Variants in ARSA observed in about 807,000 individuals in gnomAD.
The protein encoded by ARSA is arylsulfatase A, also known as cerebroside-sulfatase.
A neutral mutation model predicts 37.8 loss-of-function variants in ARSA; 32 were observed. The observed-to-expected ratio is 0.85, with a 90% CI of 0.64 to 1.14. The LOEUF is 1.14. Ranked by LOEUF, ARSA falls within the 50% of genes most tolerant of loss-of-function variation. ARSA has a pLI of 0.00. For synonymous variants in ARSA, 303 were observed against 303.4 expected (o/e 1.00, Z 0.01); for missense variants, 685 against 686.3 (o/e 1.00, Z 0.02).
At position 50,624,265 on chromosome 22, in the gene ARSA, T is replaced by G. The variant is rs1292205354; in HGVS notation, c.*880A>C. Reference sequence around the variant, plus strand: ...TTTGTATTTTTAGTAGAGATGGGGTTTCTCCATGTTGGTCAGGCTGGTCTC... The same window carrying G: ...TTTGTATTTTTAGTAGAGATGGGGTGTCTCCATGTTGGTCAGGCTGGTCTC... On this transcript the variant is annotated 3_prime_UTR_variant, in exon 8 of 8. Transcript: ENST00000216124. 6.6e-6 allele frequency among the ~76,000 whole-genome samples: 1 copy of G among 152,110 alleles called. No homozygotes were observed. The highest frequency in any genetic ancestry group is 1.5e-5 in the Non-Finnish European group (1 of 68,016).
rs80338820 is a variant in ARSA at position 50,625,578 on chromosome 22, C to T, written c.1210+1G>A. ...GGGAGGGATCCACGGGGAGGGGTTA[C>T]CCTGGGTGAAGAAGTGAGCCTTGTA... On this transcript the variant is annotated splice_donor_variant, in intron 7 of 7. Transcript: ENST00000216124. LOFTEE classifies it high-confidence loss of function. 14 of 1,613,136 alleles carry T rather than the reference C, an allele frequency of 8.7e-6. No homozygotes were observed. Among genetic ancestry groups the T allele is most frequent in the African/African-American group, 1.3e-5 (1 of 74,898 alleles).
Position 50,627,856 on chromosome 22 carries a change from C to G in ARSA, c.-77G>C. The G allele has an allele frequency of 7.2e-7, 1 of 1,397,918 alleles. No individual in the cohort carries two copies. The highest frequency in any genetic ancestry group is 9.7e-7 in the Non-Finnish European group (1 of 1,034,966). 86.6% of individuals were successfully genotyped at this position (1,397,918 alleles called of 1,614,324 possible). ...CTCTTTCCGATACCGCAGACCCAGG[C>G]GCCGCCCTTCCCTGAGACCCCGGAC... On this transcript the variant is annotated 5_prime_UTR_variant, in exon 1 of 8. Transcript: ENST00000216124.
Position 50,626,609 on chromosome 22 carries a change from A to T in ARSA, c.836T>A (p.Ile279Asn). ...DLGLLEETLV[I>N]FTADNGPETM... ...GGCATACCCATTGTCTGCAGTGAAG[A>T]TGACCAGCGTCTCTTCAAGCAGCCC... is the stretch of plus-strand genomic sequence containing the variant. Residue 279 changes from isoleucine (I) to asparagine (N), a missense_variant, in exon 4 of 8, where the codon ATC (isoleucine) becomes AAC (asparagine). Transcript: ENST00000216124. 6.2e-7 allele frequency: 1 copy of T among 1,613,664 alleles called. No individual in the cohort carries two copies. The highest frequency in any genetic ancestry group is 8.5e-7 in the Non-Finnish European group (1 of 1,180,026).
chr22:50,625,996 T>C lies in ARSA; in HGVS notation c.1047A>G (p.Pro349=). ...AGCCATCCAAGGTGACATTGGGCAG[T>C]GGGGCCCCAGCCAGGGCTGCCAGGG... ...LPTLAALAGA[P]LPNVTLDGFD... is the part of the protein sequence containing the mutation. The change falls in exon 6 of 8, where the codon CCA becomes CCG. Residue 349 remains proline, a synonymous_variant. Coordinates refer to ENST00000216124, the MANE Select transcript of ARSA (RefSeq NM_000487.6). 1.3e-6 allele frequency: 2 copies of C among 1,577,838 alleles called. No individual in the cohort carries two copies. Among genetic ancestry groups the C allele is most frequent in the Non-Finnish European group, 1.7e-6 (2 of 1,162,992 alleles).
Position 50,625,559 on chromosome 22 carries a change from G to C in ARSA, c.1210+20C>G, listed in dbSNP as rs762674. On this transcript the variant is annotated intron_variant, in intron 7 of 7. Transcript: ENST00000216124. ...GAGGGGTCAGCAGGTCGGGGGGAGGGATCCACGGGGAGGGGTTACCCTGGG... is the reference window on the plus strand; with the variant it reads ...GAGGGGTCAGCAGGTCGGGGGGAGGCATCCACGGGGAGGGGTTACCCTGGG... 1,262,529 of 1,609,658 alleles carry C rather than the reference G, an allele frequency of 0.78. 496,254 individuals are homozygous for C. The highest frequency in any genetic ancestry group is 0.94 in the East Asian group (42,315 of 44,802).
Position 50,625,015 on chromosome 22 carries a change from G to T in ARSA, c.*130C>A, listed in dbSNP as rs886057655. 177 of 1,145,638 alleles carry T rather than the reference G, an allele frequency of 1.5e-4. 1 individual carries two copies. The highest frequency in any genetic ancestry group is 2.0e-4 in the Non-Finnish European group (165 of 837,846). The allele number at this position is 1,145,638 out of a possible 1,614,324, so 71.0% of individuals were successfully genotyped here. ...ACACAGCATTACCCCAGGATTGGAC[G>T]AATTGTCACATCTGCAAGTCTCCAC... On this transcript the variant is annotated 3_prime_UTR_variant, in exon 8 of 8. Coordinates refer to ENST00000216124, the MANE Select transcript of ARSA (RefSeq NM_000487.6).
At position 50,625,561 on chromosome 22, in the gene ARSA, T is replaced by A. The variant is rs372705596; in HGVS notation, c.1210+18A>T. 8 of 1,606,570 alleles carry A rather than the reference T, an allele frequency of 5.0e-6. No homozygotes were observed. The highest frequency in any genetic ancestry group is 6.8e-6 in the Non-Finnish European group (8 of 1,175,294). ...GGGGTCAGCAGGTCGGGGGGAGGGA[T>A]CCACGGGGAGGGGTTACCCTGGGTG... On this transcript the variant is annotated intron_variant, in intron 7 of 7. Coordinates refer to ENST00000216124, the MANE Select transcript of ARSA (RefSeq NM_000487.6).
Position 50,627,227 on chromosome 22 carries a change from GC to G in ARSA, c.403del (p.Ala135ProfsTer13). 6.2e-6 allele frequency: 10 copies of G among 1,609,342 alleles called. No individual in the cohort carries two copies. Among genetic ancestry groups the G allele is most frequent in the Non-Finnish European group, 7.6e-6 (9 of 1,178,226 alleles). On this transcript the variant is annotated frameshift_variant, in exon 2 of 8. Transcript: ENST00000216124. LOFTEE classifies it high-confidence loss of function. ...GAAGCCCTGATGGGGGGGCAGGAAG[GC>G]CCCCTCAGGCCCCACCCCAAGGTGC... ...KWHLGVGPEG[A>X]FLPPHQGFHR...
At position 50,623,790 on chromosome 22, in the gene ARSA, T is replaced by G. The variant is rs2082621033; in HGVS notation, c.*1355A>C. 6.6e-6 allele frequency: 1 copy of G among 151,838 alleles called. No homozygotes were observed. The highest frequency in any genetic ancestry group is 2.4e-5 in the African/African-American group (1 of 41,304). The allele number at this position is 151,838 out of a possible 1,614,324, so 9.4% of individuals were successfully genotyped here. On this transcript the variant is annotated 3_prime_UTR_variant, in exon 8 of 8. Transcript: ENST00000216124. The stretch of plus-strand genomic sequence containing the variant: ...AGCACACACCTGTAGTTCCAGCTAC[T>G]AGGGAGGCTGAGGCAGGAGAATCCC...
Position 50,622,989 on chromosome 22 carries a change from G to A in ARSA, c.*2156C>T, listed in dbSNP as rs1449488635. 6.6e-6 allele frequency: 1 copy of A among 152,252 alleles called. No homozygotes were observed. Among genetic ancestry groups the A allele is most frequent in the Admixed American group, 6.5e-5 (1 of 15,284 alleles). The allele number at this position is 152,252 out of a possible 1,614,324, so 9.4% of individuals were successfully genotyped here. A position where few individuals can be genotyped will look rare whatever the true frequency, so the allele number is the denominator to read the frequency against. On this transcript the variant is annotated 3_prime_UTR_variant, in exon 8 of 8. Transcript: ENST00000216124. Reference sequence around the variant, plus strand: ...GGTCACCGCCCTCCTTGGAGAGAAAGAGGCTGCAACTCCAAGATCAAGGGA... The same window carrying A: ...GGTCACCGCCCTCCTTGGAGAGAAAAAGGCTGCAACTCCAAGATCAAGGGA...
intron 4 of ARSA, 64 bp from the exon 5 acceptor site, chr22:50,626,342 G>A: frequency 2.5e-6 from 4 of 1,591,840 alleles, no homozygotes; most frequent in South Asian, 1.1e-5. Context: ...AGGGTGACCA[G>A]TGGCCCCACA....
Position 50,624,222 on chromosome 22 carries a change from C to T in ARSA, c.*923G>A, listed in dbSNP as rs949930045. ...AAGTAGCTGGGATTACAGGGATGCA[C>T]CACTACACCTGGCTAATTTTGTATT... On this transcript the variant is annotated 3_prime_UTR_variant, in exon 8 of 8. Transcript: ENST00000216124. Among the ~76,000 whole-genome samples the T allele has an allele frequency of 1.3e-5, 2 of 152,096 alleles. No individual in the cohort carries two copies. The highest frequency in any genetic ancestry group is 2.4e-5 in the African/African-American group (1 of 41,422).
chr22:50,624,141 G>A lies in ARSA; in HGVS notation c.*1004C>T, dbSNP rs542936316. Among the ~76,000 whole-genome samples, 3 of 151,884 alleles carry A rather than the reference G, an allele frequency of 2.0e-5. 1 individual carries two copies. Among genetic ancestry groups the A allele is most frequent in the South Asian group, 4.2e-4 (2 of 4,800 alleles). On this transcript the variant is annotated 3_prime_UTR_variant, in exon 8 of 8. Coordinates refer to ENST00000216124, the MANE Select transcript of ARSA (RefSeq NM_000487.6). ...GGCTGGAGTGCAATGGTGCGATCTC[G>A]GCTCACTGCAACCACCGCCTCCCAG...
In ARSA at chr22:50,623,720, G is replaced by A. The variant is rs2082620146; in HGVS notation, c.*1425C>T. ...TTGAGACCAGCCTGGCCAACATGGT[G>A]AAATCTTGTCTCTATTAAATAAAAA... On this transcript the variant is annotated 3_prime_UTR_variant, in exon 8 of 8. Coordinates refer to ENST00000216124, the MANE Select transcript of ARSA (RefSeq NM_000487.6). The A allele has an allele frequency of 6.6e-6, 1 of 152,042 alleles. No homozygotes were observed. Among genetic ancestry groups the A allele is most frequent in the Non-Finnish European group, 1.5e-5 (1 of 68,008 alleles). 9.4% of individuals were successfully genotyped at this position (152,042 alleles called of 1,614,324 possible). A position where few individuals can be genotyped will look rare whatever the true frequency, so the allele number is the denominator to read the frequency against.
rs754346314 is a variant in ARSA, at chr22:50,625,548, TC to T, written c.1210+30del. 90 of 1,579,106 alleles carry T rather than the reference TC, an allele frequency of 5.7e-5. No homozygotes were observed. The East Asian group carries it at 2.0e-3, about 35-fold the overall frequency. On this transcript the variant is annotated intron_variant, in intron 7 of 7. Transcript: ENST00000216124. ...AGGGCTCCGGGGAGGGGTCAGCAGG[TC>T]GGGGGGAGGGATCCACGGGGAGGGG... is the stretch of plus-strand genomic sequence containing the variant.
In ARSA at chr22:50,624,096, A is replaced by T. The variant is rs868511268; in HGVS notation, c.*1049T>A. On this transcript the variant is annotated 3_prime_UTR_variant, in exon 8 of 8. Coordinates refer to ENST00000216124, the MANE Select transcript of ARSA (RefSeq NM_000487.6). The stretch of plus-strand genomic sequence containing the variant: ...ACAGATTTTTTGTTTTTTGAGACAG[A>T]GTTTTTCTCTTGTTGCCCAGGCTGG... 7.9e-5 allele frequency among the ~76,000 whole-genome samples: 12 copies of T among 151,090 alleles called. No homozygotes were observed. The highest frequency in any genetic ancestry group is 1.3e-4 in the Admixed American group (2 of 15,162).
At position 50,627,065 on chromosome 22, in the gene ARSA, G is replaced by A. The variant is rs2082684592; in HGVS notation, c.466-13C>T. 1 of 1,600,586 alleles carries A rather than the reference G, an allele frequency of 6.2e-7. No homozygotes were observed. Among genetic ancestry groups the A allele is most frequent in the Non-Finnish European group, 8.5e-7 (1 of 1,172,086 alleles). On this transcript the variant is annotated splice_polypyrimidine_tract_variant and intron_variant, in intron 2 of 7. Transcript: ENST00000216124. ...TCTGGCAGGGGCCCTGAGGCGGGCAGCTGCCGTGAGGGCTGGGCTGGCAGG... is the reference window on the plus strand; with the variant it reads ...TCTGGCAGGGGCCCTGAGGCGGGCAACTGCCGTGAGGGCTGGGCTGGCAGG...
rs574444264 is a variant in ARSA, at chr22:50,625,664, G to C, written c.1125C>G (p.Leu375=). Reference sequence around the variant, plus strand: ...CGTCTGGGTAGGACGGGTAGAAGAAGAGAGACTGCCGAGGGCTCTGGGGGC... The same window carrying C: ...CGTCTGGGTAGGACGGGTAGAAGAACAGAGACTGCCGAGGGCTCTGGGGGC... ...LGTGKSPRQS[L]FFYPSYPDEV... Residue 375 remains leucine (L), a synonymous_variant, in exon 7 of 8, where the codon CTC becomes CTG. Transcript: ENST00000216124. 2 of 1,613,676 alleles carry C rather than the reference G, an allele frequency of 1.2e-6. No individual in the cohort carries two copies. Among genetic ancestry groups the C allele is most frequent in the African/African-American group, 2.7e-5 (2 of 75,054 alleles).
rs1041344962 is a variant in ARSA, at chr22:50,624,331, A to G, written c.*814T>C. ...GGTGATCCACCCGCCTCGGCTTCCT[A>G]AAGTGCTGGGATTACAGGCGTGAGC... is the stretch of plus-strand genomic sequence containing the variant. On this transcript the variant is annotated 3_prime_UTR_variant, in exon 8 of 8. Transcript: ENST00000216124. Among the ~76,000 whole-genome samples, 1 of 152,198 alleles carries G rather than the reference A, an allele frequency of 6.6e-6. No homozygotes were observed. Among genetic ancestry groups the G allele is most frequent in the Non-Finnish European group, 1.5e-5 (1 of 68,032 alleles).
Sources: gnomAD v4.1 joint callset for allele counts (sites outside exome capture counted in the v4.1 genomes callset) on GRCh38, gnomAD v4.1.1 for gene constraint, MANE v1.5 for transcripts, NCBI Gene and HGNC (gene_info 2026-07-23, HGNC 2026-07-21) for gene names.